The following TMEM131 variants were observed in gnomAD, a reference collection of about 807,000 sequenced individuals.
The protein encoded by TMEM131 is 2610524E03Rik.
In TMEM131, 66 loss-of-function variants were observed where a neutral mutation model predicts 211.6. That is an observed-to-expected ratio of 0.31 (90% CI 0.26 to 0.38). TMEM131 has a LOEUF of 0.38. Among genes scored for constraint, TMEM131 ranks in the 10% least tolerant of loss-of-function variants. The pLI is 1.00. For missense variants in TMEM131, 2,036 were observed against 2,299.3 expected, an observed-to-expected ratio of 0.89 and a Z score of 2.34; for synonymous variants, 844 against 841.3, an observed-to-expected ratio of 1.00 and a Z score of -0.06.
At chr2:97,873,912 AAC>A (rs528031794) in intron 4 of TMEM131, among the ~76,000 whole-genome samples, 1 of 152,230 alleles carries the variant, frequency 6.6e-6, no homozygotes. Flanking sequence ...GGTGGGTAAT[AAC>A]AAACTCCTCC....
intron 1 of TMEM131, among the ~76,000 whole-genome samples, chr2:97,957,213 A>C (rs1429224110): frequency 6.6e-6 from 1 of 152,230 alleles, no homozygotes; most frequent in Non-Finnish European, 1.5e-5. Flanking sequence ...GAAAGACACC[A>C]AATTTGGCAA....
At chr2:97,922,174 CAT>C (rs1676769238) in intron 2 of TMEM131, among the ~76,000 whole-genome samples, 1 of 152,162 alleles carries the variant, frequency 6.6e-6, no homozygotes, top group Non-Finnish European at 1.5e-5. Context: ...CTAGATCTCT[CAT>C]GTGCAGTTCA....
intron 1 of TMEM131, among the ~76,000 whole-genome samples, chr2:97,975,626 A>T (rs150151882): frequency 2.6e-3 from 393 of 152,192 alleles, no homozygotes; most frequent in African/African-American, 9.0e-3. Context: ...AATTGTGGTT[A>T]AAAAAATCCC....
chr2:97,914,381 C>G (rs1676417815), intron 2 of TMEM131, among the ~76,000 whole-genome samples: 1 of 152,196 alleles, frequency 6.6e-6, no homozygotes, highest in African/African-American at 2.4e-5. Context: ...TTCAGAAGGT[C>G]TCAGTTTTGT....
At chr2:97,846,335 G>A (rs1019679515) in intron 5 of TMEM131, among the ~76,000 whole-genome samples, 1 of 152,096 alleles carries the variant, frequency 6.6e-6, no homozygotes, top group African/African-American at 2.4e-5. Flanking sequence ...TATAAAACGG[G>A]CAACACATCA....
chr2:97,895,144 G>A (rs949072911), intron 3 of TMEM131, among the ~76,000 whole-genome samples: 6 of 152,022 alleles, frequency 3.9e-5, no homozygotes, highest in East Asian at 1.9e-4. Flanking sequence ...GGTTTTTGTC[G>A]TTGGTTCTGT....
chr2:97,833,865 G>A (rs1200062361), intron 10 of TMEM131, among the ~76,000 whole-genome samples: 1 of 152,002 alleles, frequency 6.6e-6, no homozygotes, highest in Non-Finnish European at 1.5e-5. Context: ...GTCTCGTCAT[G>A]TTGGCCAGGC....
At chr2:97,960,984 T>C (rs1463093568) in intron 1 of TMEM131, among the ~76,000 whole-genome samples, 1 of 152,094 alleles carries the variant, frequency 6.6e-6, no homozygotes, top group Non-Finnish European at 1.5e-5. Context: ...CACCAATTCA[T>C]GATGAAAATT....
At chr2:97,858,352 T>G (rs1308865984) in intron 5 of TMEM131, among the ~76,000 whole-genome samples, 1 of 152,232 alleles carries the variant, frequency 6.6e-6, no homozygotes, top group Non-Finnish European at 1.5e-5. Flanking sequence ...AAATTTAAAA[T>G]GTACTTAAGA....
intron 32 of TMEM131, among the ~76,000 whole-genome samples, chr2:97,774,382 T>C (rs1679614484): frequency 6.6e-6 from 1 of 152,240 alleles, no homozygotes; most frequent in Non-Finnish European, 1.5e-5. Context: ...CCTATCAAAG[T>C]TGTGATTTAG....
At chr2:97,858,176 A>T (rs1171292802) in intron 5 of TMEM131, among the ~76,000 whole-genome samples, 1 of 152,200 alleles carries the variant, frequency 6.6e-6, no homozygotes, top group Non-Finnish European at 1.5e-5. Context: ...AATATCTTAC[A>T]TGGCTAAAAA....
In TMEM131 at chr2:97,793,498, C is replaced by T. The variant is rs1471041205; in HGVS notation, c.3442G>A (p.Glu1148Lys). Residue 1148 changes from glutamate to lysine, a missense_variant, in exon 30 of 41, where the codon GAG becomes AAG. Physicochemically the swap from Glu to Lys is moderately conservative, Grantham distance 56 (BLOSUM62 1). Transcript: ENST00000186436. ...AAGGATAGCCGCCTTCGAAATGGCT[C>T]CCATATTCCTTGAGCTTCCAAATAG... Reference protein sequence around the residue: ...TAYLEAQGIWEPFRRRLSFEA... With the variant: ...TAYLEAQGIWKPFRRRLSFEA... The T allele has an allele frequency of 8.1e-6, 13 of 1,613,890 alleles. No homozygotes were observed. Among genetic ancestry groups the T allele is most frequent in the Admixed American group, 1.7e-5 (1 of 60,014 alleles).
chr2:97,976,960 CAAAA>C (rs34708023), intron 1 of TMEM131, among the ~76,000 whole-genome samples: 8 of 112,182 alleles, frequency 7.1e-5, no homozygotes, highest in East Asian at 4.3e-4. Flanking sequence ...TATTTATATG[CAAAA>C]AAAAAAAAAA....
chr2:97,895,813 A>AAAC (rs1203281160), intron 3 of TMEM131, among the ~76,000 whole-genome samples: 16 of 152,180 alleles, frequency 1.1e-4, no homozygotes, highest in African/African-American at 3.6e-4. Context: ...TTTCAAAAAC[A>AAAC]CAGCTCCTGG....
At chr2:97,859,476 A>G in intron 4 of TMEM131, 49 bp from the exon 5 acceptor site, 2 of 1,445,946 alleles carry the variant, frequency 1.4e-6, no homozygotes, top group South Asian at 2.9e-5. Context: ...GATAATTCTG[A>G]TTATTTCTAG....
intron 12 of TMEM131, among the ~76,000 whole-genome samples, chr2:97,817,162 A>C (rs540311890): frequency 5.7e-4 from 82 of 143,278 alleles, no homozygotes; most frequent in African/African-American, 2.4e-3. Context: ...TTATCTCAAG[A>C]AGGGAAAGAT....
At chr2:97,857,720 T>C (rs1462200728) in intron 5 of TMEM131, among the ~76,000 whole-genome samples, 7 of 152,150 alleles carry the variant, frequency 4.6e-5, no homozygotes, top group Non-Finnish European at 7.3e-5. Context: ...TAATATGATA[T>C]AAATCACTGG....
intron 1 of TMEM131, among the ~76,000 whole-genome samples, chr2:97,978,498 C>T (rs1679644800): frequency 6.6e-6 from 1 of 152,162 alleles, no homozygotes; most frequent in East Asian, 1.9e-4. Context: ...AATCCTCCCA[C>T]CACAGCCTCC....
Position 97,809,684 on chromosome 2 carries a change from T to C in TMEM131, c.2055+4A>G. 6.2e-7 allele frequency: 1 copy of C among 1,607,766 alleles called. No individual in the cohort carries two copies. Among genetic ancestry groups the C allele is most frequent in the Non-Finnish European group, 8.5e-7 (1 of 1,176,528 alleles). ...TAGAAAAATGTGTGTATTAATGGTC[T>C]TACTGGAAAGGAAGGTGGAAGAACC... On this transcript the variant is annotated splice_donor_region_variant and intron_variant, in intron 19 of 40. Transcript: ENST00000186436.
Sources: allele counts gnomAD v4.1 joint callset (sites outside exome capture counted in the v4.1 genomes callset), GRCh38; gene constraint gnomAD v4.1.1; transcripts MANE v1.5; gene names NCBI Gene and HGNC (gene_info 2026-07-23, HGNC 2026-07-21).